The following SLC4A8 variants were observed in gnomAD, a reference collection of about 807,000 sequenced individuals.
SLC4A8 encodes the protein electroneutral sodium bicarbonate exchanger 1.
A neutral mutation model predicts 125.0 loss-of-function variants in SLC4A8; 40 were observed. That is an observed-to-expected ratio of 0.32 (90% CI 0.25 to 0.42). The LOEUF (loss-of-function observed/expected upper bound fraction) is 0.42. SLC4A8 is among the 10% of genes least tolerant of loss of function. The pLI is 1.00. For synonymous variants in SLC4A8, 456 were observed against 476.0 expected, an observed-to-expected ratio of 0.96 and a Z score of 0.55; for missense variants, 863 against 1,355.1, an observed-to-expected ratio of 0.64 and a Z score of 5.70.
chr12:51,493,828 TC>T, intron 20 of SLC4A8, 56 bp downstream of exon 20: 1 of 1,116,570 alleles, frequency 9.0e-7, no homozygotes, highest in Non-Finnish European at 1.4e-6. Flanking sequence ...GCATGTCCTG[TC>T]CAGGGAGGGA....
In SLC4A8 at chr12:51,511,346, G is replaced by T; in HGVS notation, c.*3908G>T. 6.6e-6 allele frequency: 1 copy of T among 152,236 alleles called. No individual in the cohort carries two copies. 9.4% of individuals were successfully genotyped at this position (152,236 alleles called of 1,614,324 possible). Reference sequence around the variant, plus strand: ...GGATCTCCAAGCATCTCTGAATTTGGGGATTTCATCAGTTACTCCTGGAAT... The same window carrying T: ...GGATCTCCAAGCATCTCTGAATTTGTGGATTTCATCAGTTACTCCTGGAAT... On this transcript the variant is annotated 3_prime_UTR_variant, in exon 25 of 25. Transcript: ENST00000453097.
intron 1 of SLC4A8, among the ~76,000 whole-genome samples, chr12:51,428,764 A>C (rs1317004881): frequency 1.3e-5 from 2 of 152,190 alleles, no homozygotes; most frequent in African/African-American, 4.8e-5. Flanking sequence ...AATGCTTGCC[A>C]TGTGCCAGGC....
chr12:51,422,369 A>T (rs1358220194), upstream of SLC4A8, among the ~76,000 whole-genome samples: 4 of 152,012 alleles, frequency 2.6e-5, no homozygotes, highest in Non-Finnish European at 5.9e-5. Flanking sequence ...CTTTTATTTT[A>T]TTTATTTTTT....
intron 1 of SLC4A8, chr12:51,425,273 C>T (rs1162782158): frequency 7.6e-7 from 1 of 1,308,394 alleles, no homozygotes; most frequent in Non-Finnish European, 9.7e-7. Flanking sequence ...GCATCCCTTG[C>T]GCCGCCCGCC....
At chr12:51,405,319 C>T (rs181197656) in intron 1 of SLC4A8, among the ~76,000 whole-genome samples, 1 of 152,310 alleles carries the variant, frequency 6.6e-6, no homozygotes, top group East Asian at 1.9e-4. Flanking sequence ...TGGTTAGTGT[C>T]TGGCCTATTC....
At chr12:51,470,654 C>CAA in intron 13 of SLC4A8, 129 bp downstream of exon 13, 1 of 855,952 alleles carries the variant, frequency 1.2e-6, no homozygotes, top group Non-Finnish European at 1.8e-6. Flanking sequence ...GAAAGGAGAC[C>CAA]ATCATTTGGT....
chr12:51,424,701 G>A, upstream of SLC4A8: 4 of 439,282 alleles, frequency 9.1e-6, no homozygotes, highest in Non-Finnish European at 1.2e-5. Flanking sequence ...ACCGGGCCCG[G>A]GAGCGGTTGG....
intron 1 of SLC4A8, among the ~76,000 whole-genome samples, chr12:51,405,702 G>A (rs77605851): frequency 1.4e-4 from 22 of 152,332 alleles, no homozygotes; most frequent in East Asian, 5.8e-4. Context: ...GCAGGGCCCC[G>A]TGGCCATTTT....
intron 1 of SLC4A8, among the ~76,000 whole-genome samples, chr12:51,429,831 A>G (rs1949127865): frequency 1.3e-5 from 2 of 151,852 alleles, no homozygotes; most frequent in Non-Finnish European, 2.9e-5. Context: ...TTAAGAGTCA[A>G]TGAGCTTTTC....
chr12:51,401,411 G>C (rs973065418), intron 1 of SLC4A8, among the ~76,000 whole-genome samples: 2 of 152,196 alleles, frequency 1.3e-5, no homozygotes, highest in African/African-American at 2.4e-5. Context: ...GAGTGGAAAG[G>C]TGGTTTTCCC....
rs1938228819 is a variant in SLC4A8, at chr12:51,507,628, CA to C, written c.*191del. On this transcript the variant is annotated 3_prime_UTR_variant, in exon 25 of 25. Coordinates refer to ENST00000453097, the MANE Select transcript of SLC4A8 (RefSeq NM_001039960.3). ...GGAAGGCATCCAGCTATCCCCATAC[CA>C]GCAGCCAGTCACCAGATGTGAATGT... 6.7e-6 allele frequency: 3 copies of C among 448,106 alleles called. No homozygotes were observed. Among genetic ancestry groups the C allele is most frequent in the African/African-American group, 6.0e-5 (3 of 50,032 alleles). 27.8% of individuals were successfully genotyped at this position (448,106 alleles called of 1,614,324 possible).
intron 19 of SLC4A8, among the ~76,000 whole-genome samples, chr12:51,490,469 G>A (rs543782757): frequency 8.6e-5 from 13 of 151,648 alleles, no homozygotes; most frequent in South Asian, 6.3e-4. Context: ...AGGCTGAGGC[G>A]GGAGAATGGC....
At chr12:51,425,881 A>T (rs975337042) in intron 1 of SLC4A8, among the ~76,000 whole-genome samples, 10 of 152,188 alleles carry the variant, frequency 6.6e-5, no homozygotes, top group East Asian at 3.8e-4. Flanking sequence ...GATCAGACGA[A>T]GTGCTGTTTG....
intron 1 of SLC4A8, among the ~76,000 whole-genome samples, chr12:51,435,565 C>G (rs1241309281): frequency 6.6e-6 from 1 of 152,116 alleles, no homozygotes; most frequent in African/African-American, 2.4e-5. Flanking sequence ...CGAGACCAGC[C>G]TGGGCAACAT....
Position 51,402,677 on chromosome 12 carries a change from G to A in SLC4A8, c.-112+11189G>A, listed in dbSNP as rs531624005. Among the ~76,000 whole-genome samples the A allele has an allele frequency of 3.3e-5, 5 of 152,128 alleles. No individual in the cohort carries two copies. In the East Asian group the frequency reaches 9.7e-4, roughly 29 times the overall value. Reference sequence around the variant, plus strand: ...GTGGAGGTTGCAGTGAGCCGAGACCGCGCCATTGCACTCCAACCTGGGGTA... The same window carrying A: ...GTGGAGGTTGCAGTGAGCCGAGACCACGCCATTGCACTCCAACCTGGGGTA... On this transcript the variant is annotated intron_variant, in intron 1 of 24. Coordinates refer to the SLC4A8 transcript ENST00000358657.
chr12:51,507,000 C>T (rs573139950), intron 24 of SLC4A8, among the ~76,000 whole-genome samples: 2 of 152,094 alleles, frequency 1.3e-5, no homozygotes, highest in East Asian at 3.9e-4. Flanking sequence ...CCTAGTCCTT[C>T]GATTAATTCC....
chr12:51,426,594 A>G (rs893748208), intron 1 of SLC4A8, among the ~76,000 whole-genome samples: 6 of 152,132 alleles, frequency 3.9e-5, no homozygotes, highest in African/African-American at 1.4e-4. Context: ...TAACTGAGGG[A>G]AGAGGGGGAT....
intron 1 of SLC4A8, chr12:51,425,525 G>T: frequency 1.3e-6 from 1 of 749,260 alleles, no homozygotes; most frequent in South Asian, 6.0e-5. Flanking sequence ...CCCTGATAGG[G>T]TGACCCGGTT....
At chr12:51,424,065 ACAAAAAAAAAAC>A (rs1565762268), upstream of SLC4A8, among the ~76,000 whole-genome samples, 1 of 46,974 alleles carries the variant, frequency 2.1e-5, no homozygotes, top group South Asian at 8.0e-4. Flanking sequence ...AAAAAAAACA[ACAAAAAAAAAAC>A]AAAAAAAACC....
Sources: gnomAD v4.1 joint callset for allele counts (sites outside exome capture counted in the v4.1 genomes callset) on GRCh38, gnomAD v4.1.1 for gene constraint, MANE v1.5 for transcripts, NCBI Gene and HGNC (gene_info 2026-07-23, HGNC 2026-07-21) for gene names.